The following RELN variants were observed in gnomAD, a reference collection of about 807,000 sequenced individuals.
RELN encodes reelin.
A neutral mutation model predicts 427.6 loss-of-function variants in RELN; 108 were observed. The ratio of observed to expected loss-of-function variants is 0.25; its 90% confidence interval spans 0.22 to 0.30. The LOEUF (loss-of-function observed/expected upper bound fraction) is 0.30, where lower values mean the gene tolerates loss of function less well. RELN is among the 10% of genes least tolerant of loss of function. RELN has a pLI of 1.00. For synonymous variants in RELN, 1,524 were observed against 1,513.4 expected (o/e 1.01, Z -0.16); for missense variants, 3,715 against 4,302.8 (o/e 0.86, Z 3.82).
At chr7:103,728,025 C>A in intron 7 of RELN, 86 bp downstream of exon 7, 1 of 1,267,544 alleles carries the variant, frequency 7.9e-7, no homozygotes, top group Non-Finnish European at 1.1e-6. Context: ...TTCATCTGAA[C>A]TTTAAGAGCA....
At chr7:103,578,278 T>C (rs980804882) in intron 28 of RELN, among the ~76,000 whole-genome samples, 2 of 152,086 alleles carry the variant, frequency 1.3e-5, no homozygotes, top group Non-Finnish European at 2.9e-5. Flanking sequence ...GTTATATGTT[T>C]GAGACGGTAA....
At chr7:103,841,811 A>G (rs1793558142) in intron 2 of RELN, among the ~76,000 whole-genome samples, 1 of 152,148 alleles carries the variant, frequency 6.6e-6, no homozygotes, top group South Asian at 2.1e-4. Context: ...ATAACATTAC[A>G]CATTCATGTT....
At chr7:103,865,622 C>T (rs1794179437) in intron 2 of RELN, among the ~76,000 whole-genome samples, 1 of 152,084 alleles carries the variant, frequency 6.6e-6, no homozygotes. Context: ...ATGTGATATA[C>T]CACATTAACA....
At chr7:103,804,425 C>T (rs115511967) in intron 3 of RELN, among the ~76,000 whole-genome samples, 7 of 152,008 alleles carry the variant, frequency 4.6e-5, no homozygotes, top group Non-Finnish European at 1.0e-4. Flanking sequence ...CTGACAAATT[C>T]GGAATAATGC....
intron 41 of RELN, among the ~76,000 whole-genome samples, chr7:103,549,729 TTC>T (rs1830372578): frequency 6.6e-6 from 1 of 152,200 alleles, no homozygotes; most frequent in South Asian, 2.1e-4. Context: ...CCCCCACACT[TTC>T]TGAGTGAAGT....
At chr7:103,651,987 C>G (rs1832926362) in intron 14 of RELN, among the ~76,000 whole-genome samples, 198 bp from the exon 15 acceptor site, 1 of 152,090 alleles carries the variant, frequency 6.6e-6, no homozygotes, top group Admixed American at 6.6e-5. Flanking sequence ...AGTTAAATTA[C>G]TGCTATAAAC....
chr7:103,624,834 G>A (rs1449318475), intron 20 of RELN, among the ~76,000 whole-genome samples: 4 of 151,816 alleles, frequency 2.6e-5, no homozygotes, highest in East Asian at 1.9e-4. Context: ...AATGACCAAC[G>A]GATGACTAGT....
intron 2 of RELN, among the ~76,000 whole-genome samples, chr7:103,896,224 G>C (rs567344250): frequency 6.6e-6 from 1 of 152,094 alleles, no homozygotes. Flanking sequence ...TGCTATGTTG[G>C]TGAGTGTGTT....
chr7:103,507,381 C>G (rs1562859990), intron 51 of RELN, among the ~76,000 whole-genome samples: 1 of 152,200 alleles, frequency 6.6e-6, no homozygotes, highest in Non-Finnish European at 1.5e-5. Flanking sequence ...AAGAAACTCA[C>G]TCAAATCCAC....
chr7:103,691,066 T>A (rs1833861552), intron 10 of RELN, among the ~76,000 whole-genome samples: 1 of 152,128 alleles, frequency 6.6e-6, no homozygotes, highest in South Asian at 2.1e-4. Flanking sequence ...TAAGGCCAGG[T>A]TCTACATTAA....
chr7:103,802,233 T>C (rs1792485365), intron 3 of RELN, among the ~76,000 whole-genome samples: 1 of 152,170 alleles, frequency 6.6e-6, no homozygotes, highest in Non-Finnish European at 1.5e-5. Context: ...TCACAGGGTC[T>C]TGCAAAACTT....
chr7:103,492,493 T>A (rs1471761748), intron 57 of RELN, among the ~76,000 whole-genome samples: 1 of 152,196 alleles, frequency 6.6e-6, no homozygotes, highest in Non-Finnish European at 1.5e-5. Flanking sequence ...CAATGAAAGC[T>A]TTCCATATTA....
chr7:103,705,044 G>C (rs1021973220), intron 8 of RELN, among the ~76,000 whole-genome samples: 3 of 152,040 alleles, frequency 2.0e-5, no homozygotes, highest in African/African-American at 7.2e-5. Flanking sequence ...TGCTTCACTG[G>C]CCATTGCTTC....
chr7:103,520,012 T>C (rs531444087), intron 48 of RELN, among the ~76,000 whole-genome samples: 9 of 152,296 alleles, frequency 5.9e-5, no homozygotes, highest in African/African-American at 2.2e-4. Flanking sequence ...CAAGACTTAT[T>C]TACAGAGAAC....
chr7:103,978,923 C>T (rs926267185), intron 1 of RELN, among the ~76,000 whole-genome samples: 1 of 152,160 alleles, frequency 6.6e-6, no homozygotes, highest in African/African-American at 2.4e-5. Context: ...CAGATTTGCA[C>T]ATCAGAGCTA....
chr7:103,629,641 TA>T (rs551804023), intron 20 of RELN, among the ~76,000 whole-genome samples: 3 of 150,172 alleles, frequency 2.0e-5, no homozygotes, highest in Admixed American at 6.6e-5. Context: ...TTTTTTTTTT[TA>T]AAATATGTAA....
intron 61 of RELN, chr7:103,484,094 G>T (rs1828340602): frequency 2.1e-6 from 1 of 481,504 alleles, no homozygotes; most frequent in East Asian, 4.0e-5. Context: ...TGTCCAGGCT[G>T]GTCTCGAACT....
At chr7:103,500,032 G>T (rs1330895097) in intron 53 of RELN, among the ~76,000 whole-genome samples, 1 of 152,112 alleles carries the variant, frequency 6.6e-6, no homozygotes, top group Non-Finnish European at 1.5e-5. Context: ...GACAGAACAG[G>T]TTTGATTTAC....
At chr7:103,508,936 C>T (rs1449360215) in intron 51 of RELN, among the ~76,000 whole-genome samples, 1 of 152,176 alleles carries the variant, frequency 6.6e-6, no homozygotes, top group Non-Finnish European at 1.5e-5. Context: ...AATAATACAA[C>T]TTACAAGGGA....
Sources: allele counts gnomAD v4.1 joint callset (sites outside exome capture counted in the v4.1 genomes callset), GRCh38; gene constraint gnomAD v4.1.1; transcripts MANE v1.5; gene names NCBI Gene and HGNC (gene_info 2026-07-23, HGNC 2026-07-21).